COL28A1: variants seen among roughly 807,000 people sequenced by gnomAD.
COL28A1 encodes collagen type XXVIII alpha 1 chain.
COL28A1 carries 161 observed loss-of-function variants against 150.2 expected under a neutral mutation model. The observed-to-expected ratio is 1.07, with a 90% CI of 0.94 to 1.22. The LOEUF is 1.22. COL28A1 is among the 50% of genes most tolerant of loss of function. The pLI, the probability that COL28A1 is intolerant of heterozygous loss-of-function variation, is 0.00. For missense variants in COL28A1, 1,617 were observed against 1,388.3 expected, an observed-to-expected ratio of 1.16 and a Z score of -2.62; for synonymous variants, 552 against 469.7, an observed-to-expected ratio of 1.18 and a Z score of -2.26.
chr7:7,485,310 G>A (rs930060528), intron 13 of COL28A1, among the ~76,000 whole-genome samples: 4 of 151,904 alleles, frequency 2.6e-5, no homozygotes, highest in African/African-American at 7.3e-5. Context: ...TTTCTAATTC[G>A]ATTTTTATTA....
At chr7:7,466,348 G>A (rs1449024659) in intron 15 of COL28A1, among the ~76,000 whole-genome samples, 1 of 146,594 alleles carries the variant, frequency 6.8e-6, no homozygotes, top group Non-Finnish European at 1.5e-5. Context: ...TGGAAGAAAG[G>A]GTTATCAGCA....
At chr7:7,383,249 G>GTT (rs1554262196) in intron 27 of COL28A1, among the ~76,000 whole-genome samples, 5 of 122,260 alleles carry the variant, frequency 4.1e-5, no homozygotes, top group African/African-American at 9.9e-5. Context: ...TCTTTTTTTT[G>GTT]TTGTGTGTGT....
intron 26 of COL28A1, 118 bp downstream of exon 26, chr7:7,419,766 CA>C: frequency 2.0e-6 from 1 of 496,842 alleles, no homozygotes; most frequent in Non-Finnish European, 3.4e-6. Context: ...GACGTTTCAT[CA>C]GTCACCAAGA....
At chr7:7,495,928 C>T (rs1273240308) in intron 11 of COL28A1, among the ~76,000 whole-genome samples, 1 of 152,200 alleles carries the variant, frequency 6.6e-6, no homozygotes, top group Non-Finnish European at 1.5e-5. Flanking sequence ...CATCTGTCAT[C>T]AGTCACCTCT....
At chr7:7,443,054 C>A (rs115927565) in intron 20 of COL28A1, among the ~76,000 whole-genome samples, 3,478 of 150,714 alleles carry the variant, frequency 0.023, 114 homozygotes, top group African/African-American at 0.073. Context: ...AAAAAAATTG[C>A]AGGAAGACCT....
upstream of COL28A1, among the ~76,000 whole-genome samples, chr7:7,537,587 T>A (rs57076932): frequency 6.0e-3 from 918 of 152,320 alleles, 10 homozygotes; most frequent in African/African-American, 0.021. Context: ...AACTTTTAAC[T>A]CAGGCTGGTA....
At chr7:7,380,132 A>T (rs954147129) in intron 30 of COL28A1, among the ~76,000 whole-genome samples, 3 of 152,106 alleles carry the variant, frequency 2.0e-5, no homozygotes, top group Non-Finnish European at 2.9e-5. Context: ...ATGAGACTTT[A>T]AAGAGTCAGT....
At chr7:7,389,322 T>C (rs1417332544) in intron 27 of COL28A1, among the ~76,000 whole-genome samples, 1 of 152,196 alleles carries the variant, frequency 6.6e-6, no homozygotes, top group Non-Finnish European at 1.5e-5. Flanking sequence ...TATAGTGTTA[T>C]TTCTGAGGCT....
At chr7:7,508,369 T>C (rs1056150001) in intron 9 of COL28A1, among the ~76,000 whole-genome samples, 7 of 152,254 alleles carry the variant, frequency 4.6e-5, no homozygotes, top group Non-Finnish European at 8.8e-5. Flanking sequence ...AACATCTTTA[T>C]GTATAAATCT....
intron 30 of COL28A1, among the ~76,000 whole-genome samples, chr7:7,376,356 G>A (rs986251505): frequency 6.6e-6 from 1 of 152,206 alleles, no homozygotes; most frequent in Non-Finnish European, 1.5e-5. Flanking sequence ...ATGTCAAATC[G>A]AGGTGGAGGT....
intron 14 of COL28A1, among the ~76,000 whole-genome samples, chr7:7,475,607 T>C (rs1788801531): frequency 6.6e-6 from 1 of 152,222 alleles, no homozygotes; most frequent in South Asian, 2.1e-4. Flanking sequence ...CACTATGAAA[T>C]ACCCTGGAAT....
At chr7:7,371,823 A>C (rs1781234230) in intron 32 of COL28A1, among the ~76,000 whole-genome samples, 1 of 151,968 alleles carries the variant, frequency 6.6e-6, no homozygotes, top group African/African-American at 2.4e-5. Context: ...CTGTACAATA[A>C]ATTCTATTTA....
chr7:7,364,472 C>T (rs1780831460), intron 33 of COL28A1, among the ~76,000 whole-genome samples: 1 of 152,138 alleles, frequency 6.6e-6, no homozygotes, highest in Non-Finnish European at 1.5e-5. Context: ...ATATGTTTAC[C>T]TTCCCACCAT....
At chr7:7,354,344 G>A (rs2128275368), downstream of COL28A1, among the ~76,000 whole-genome samples, 1 of 152,228 alleles carries the variant, frequency 6.6e-6, no homozygotes, top group South Asian at 2.1e-4. Context: ...ACTGGAAAAG[G>A]GGTGTCAACC....
At chr7:7,446,548 C>T (rs991379655) in intron 18 of COL28A1, among the ~76,000 whole-genome samples, 1 of 152,098 alleles carries the variant, frequency 6.6e-6, no homozygotes, top group Admixed American at 6.5e-5. Context: ...CAGTTATTCC[C>T]TATCTTATAC....
chr7:7,527,031 A>T (rs1173982265), intron 3 of COL28A1, among the ~76,000 whole-genome samples: 1 of 152,204 alleles, frequency 6.6e-6, no homozygotes, highest in Non-Finnish European at 1.5e-5. Flanking sequence ...CTTTCTTTTA[A>T]AATTCAATTT....
chr7:7,535,009 C>G (rs1782567108), intron 1 of COL28A1, among the ~76,000 whole-genome samples: 1 of 152,112 alleles, frequency 6.6e-6, no homozygotes, highest in East Asian at 1.9e-4. Flanking sequence ...AGAGCCCACT[C>G]ATTTCTAATC....
chr7:7,443,861 A>G (rs1419298827), intron 19 of COL28A1, among the ~76,000 whole-genome samples: 1 of 152,188 alleles, frequency 6.6e-6, no homozygotes, highest in Non-Finnish European at 1.5e-5. Context: ...GAGCAGCTGC[A>G]ATATCATGAA....
chr7:7,485,208 T>C (rs1317413732), intron 13 of COL28A1, among the ~76,000 whole-genome samples: 2 of 152,188 alleles, frequency 1.3e-5, no homozygotes, highest in Non-Finnish European at 2.9e-5. Flanking sequence ...TATACAAGTA[T>C]ATGTACACAT....
Sources: gnomAD v4.1 joint callset for allele counts (sites outside exome capture counted in the v4.1 genomes callset) on GRCh38, gnomAD v4.1.1 for gene constraint, MANE v1.5 for transcripts, NCBI Gene and HGNC (gene_info 2026-07-23, HGNC 2026-07-21) for gene names.